Variants in SEMA6D observed in about 807,000 individuals in gnomAD.
SEMA6D encodes semaphorin-6D.
SEMA6D carries 35 observed loss-of-function variants against 106.6 expected under a neutral mutation model. That is an observed-to-expected ratio of 0.33 (90% CI 0.25 to 0.44). SEMA6D has a LOEUF of 0.44. Among genes scored for constraint, SEMA6D ranks in the 20% least tolerant of loss-of-function variants. The pLI, the probability that SEMA6D is intolerant of heterozygous loss-of-function variation, is 1.00. For missense variants in SEMA6D, 1,185 were observed against 1,345.9 expected (o/e 0.88, Z 1.87); for synonymous variants, 499 against 487.7 (o/e 1.02, Z -0.31).
intron 3 of SEMA6D, among the ~76,000 whole-genome samples, chr15:47,537,265 A>G (rs2045198344): frequency 6.6e-6 from 1 of 152,244 alleles, no homozygotes; most frequent in Non-Finnish European, 1.5e-5. Context: ...GGGTTTGAAC[A>G]GATTATAAAA....
At chr15:47,409,904 G>C (rs764606506) in intron 1 of SEMA6D, among the ~76,000 whole-genome samples, 6 of 152,162 alleles carry the variant, frequency 3.9e-5, no homozygotes, top group South Asian at 2.1e-4. Flanking sequence ...GGTTGTGGGG[G>C]GGGTGGGGAG....
intron 1 of SEMA6D, among the ~76,000 whole-genome samples, chr15:47,227,992 T>TTATATATATTTTTATATGTAAGAATCTTA (rs1266895237): frequency 5.2e-5 from 6 of 115,780 alleles, no homozygotes; most frequent in African/African-American, 1.2e-4. Flanking sequence ...TATAAGATTC[T>TTATATATATTTTTATATGTAAGAATCTTA]TATATATTTT....
intron 2 of SEMA6D, among the ~76,000 whole-genome samples, chr15:47,416,923 C>T (rs2040986244): frequency 6.6e-6 from 1 of 152,124 alleles, no homozygotes; most frequent in Non-Finnish European, 1.5e-5. Context: ...TCCCATCTAT[C>T]ACTCAGACAT....
At chr15:47,691,673 A>T (rs1022917098) in intron 4 of SEMA6D, among the ~76,000 whole-genome samples, 8 of 152,092 alleles carry the variant, frequency 5.3e-5, no homozygotes, top group African/African-American at 1.9e-4. Context: ...ATCTTTTGGG[A>T]GATGGGATAG....
intron 1 of SEMA6D, among the ~76,000 whole-genome samples, chr15:47,276,854 A>G (rs932645566): frequency 3.9e-5 from 6 of 152,196 alleles, no homozygotes; most frequent in African/African-American, 1.4e-4. Context: ...TGGGCAAAGT[A>G]AAATGAAAAC....
chr15:47,629,487 G>C (rs1397945448), intron 4 of SEMA6D, among the ~76,000 whole-genome samples: 1 of 151,896 alleles, frequency 6.6e-6, no homozygotes, highest in Non-Finnish European at 1.5e-5. Context: ...GTACATGTGA[G>C]TGTTTGTTAC....
chr15:47,747,016 A>G (rs1307869836), intron 1 of SEMA6D, among the ~76,000 whole-genome samples: 1 of 145,500 alleles, frequency 6.9e-6, no homozygotes, highest in Non-Finnish European at 1.5e-5. Context: ...CGATTGTAGA[A>G]GGTTCCTTGT....
intron 2 of SEMA6D, among the ~76,000 whole-genome samples, chr15:47,438,560 G>A (rs571962433): frequency 6.6e-6 from 1 of 151,954 alleles, no homozygotes; most frequent in African/African-American, 2.4e-5. Context: ...CAGATCATTA[G>A]TTTCCTTCTT....
chr15:47,528,057 C>T (rs781307165), intron 3 of SEMA6D, among the ~76,000 whole-genome samples: 2 of 152,180 alleles, frequency 1.3e-5, no homozygotes, highest in Non-Finnish European at 2.9e-5. Context: ...CACTTCAGCT[C>T]TTCATGCTTG....
At chr15:47,408,707 C>G (rs2040681423) in intron 1 of SEMA6D, among the ~76,000 whole-genome samples, 1 of 152,188 alleles carries the variant, frequency 6.6e-6, no homozygotes, top group Admixed American at 6.5e-5. Flanking sequence ...AGGAAAGACA[C>G]ACAGAGCCTG....
At chr15:47,465,580 T>C (rs527559367) in intron 2 of SEMA6D, among the ~76,000 whole-genome samples, 2 of 152,074 alleles carry the variant, frequency 1.3e-5, no homozygotes, top group Non-Finnish European at 2.9e-5. Context: ...AGGGATTGGA[T>C]TGTGGGGGCG....
rs191765366 is a variant in SEMA6D, at chr15:47,459,817, C to G, written c.-158-10657C>G. On this transcript the variant is annotated intron_variant, in intron 2 of 19. Coordinates refer to the SEMA6D transcript ENST00000558014. ...AAAAGATTTCATCTCTGGGTGATAA[C>G]AAAGATAACTATCTGGGGAAAAATG... Among the ~76,000 whole-genome samples the G allele has an allele frequency of 1.2e-3, 186 of 152,124 alleles. 1 individual carries two copies. Among genetic ancestry groups the G allele is most frequent in the African/African-American group, 4.4e-3 (181 of 41,544 alleles).
chr15:47,296,022 A>C (rs2035789597), intron 1 of SEMA6D, among the ~76,000 whole-genome samples: 1 of 152,084 alleles, frequency 6.6e-6, no homozygotes, highest in Non-Finnish European at 1.5e-5. Flanking sequence ...CATTCACAGA[A>C]TCTCCCTTGG....
chr15:47,283,799 T>G (rs2035239722), intron 1 of SEMA6D, among the ~76,000 whole-genome samples: 1 of 152,208 alleles, frequency 6.6e-6, no homozygotes, highest in South Asian at 2.1e-4. Flanking sequence ...CTACTCACCC[T>G]TGCCACAGCT....
chr15:47,192,430 A>T (rs544697848), intron 1 of SEMA6D, among the ~76,000 whole-genome samples: 6 of 152,278 alleles, frequency 3.9e-5, no homozygotes, highest in African/African-American at 1.4e-4. Context: ...TAGACCTAGA[A>T]CTTCTATTTT....
At chr15:47,704,288 C>T (rs185089354) in intron 4 of SEMA6D, among the ~76,000 whole-genome samples, 6 of 152,104 alleles carry the variant, frequency 3.9e-5, no homozygotes, top group African/African-American at 1.4e-4. Flanking sequence ...GCCCAGCCTA[C>T]AGTGGATGTC....
chr15:47,290,640 AC>A (rs2035559128), intron 1 of SEMA6D, among the ~76,000 whole-genome samples: 1 of 151,854 alleles, frequency 6.6e-6, no homozygotes, highest in African/African-American at 2.4e-5. Context: ...ACACACACAC[AC>A]ACATATATTC....
chr15:47,400,466 G>A (rs563858106), intron 1 of SEMA6D, among the ~76,000 whole-genome samples: 2 of 141,990 alleles, frequency 1.4e-5, no homozygotes, highest in East Asian at 4.1e-4. Context: ...TCCAGCCTGG[G>A]AGACGGAGAG....
At chr15:47,737,078 GGAAGGAAAAAGTAGGAGGTAA>G (rs2080487302) in intron 1 of SEMA6D, among the ~76,000 whole-genome samples, 3 of 152,106 alleles carry the variant, frequency 2.0e-5, no homozygotes, top group African/African-American at 7.2e-5. Flanking sequence ...GTAGGAGGTA[GGAAGGAAAAAGTAGGAGGTAA>G]GAAGGAAAAA....
Sources: allele counts gnomAD v4.1 joint callset (sites outside exome capture counted in the v4.1 genomes callset), GRCh38; gene constraint gnomAD v4.1.1; transcripts MANE v1.5; gene names NCBI Gene and HGNC (gene_info 2026-07-23, HGNC 2026-07-21).